Variants in INAVA observed in about 807,000 individuals in gnomAD.
The protein encoded by INAVA is innate immunity activator protein.
INAVA carries 32 observed loss-of-function variants against 55.3 expected under a neutral mutation model. That is an observed-to-expected ratio of 0.58 (90% CI 0.44 to 0.78). The LOEUF (loss-of-function observed/expected upper bound fraction) is 0.78. Among genes scored for constraint, INAVA ranks in the 30% least tolerant of loss-of-function variants. The pLI is 0.00. For missense variants in INAVA, 756 were observed against 786.4 expected (o/e 0.96, Z 0.46); for synonymous variants, 294 against 329.4 (o/e 0.89, Z 1.16).
At chr1:200,909,448 T>C (rs1247759729) in intron 8 of INAVA, 51 bp downstream of exon 8, 3 of 1,413,026 alleles carry the variant, frequency 2.1e-6, no homozygotes, top group Non-Finnish European at 2.8e-6. Context: ...GAGCTTATCG[T>C]TGGAGGGTGG....
chr1:200,903,095 A>G (rs1425924786), intron 5 of INAVA: 1 of 152,276 alleles, frequency 6.6e-6, no homozygotes, highest in African/African-American at 2.4e-5. Flanking sequence ...GATCAGTTCT[A>G]GACAAGTAAT....
rs564014384 is a variant in INAVA, at chr1:200,899,292, C to T, written c.56-181C>T. On this transcript the variant is annotated intron_variant, in intron 2 of 9. Transcript: ENST00000413687. Reference sequence around the variant, plus strand: ...TTGTAACATTTGTGCAGCCAAGAGACGTGGTGTTTTGTGGCTGTGACACAG... The same window carrying T: ...TTGTAACATTTGTGCAGCCAAGAGATGTGGTGTTTTGTGGCTGTGACACAG... Among the ~76,000 whole-genome samples, 5 of 152,262 alleles carry T rather than the reference C, an allele frequency of 3.3e-5. 1 individual carries two copies. Among genetic ancestry groups the T allele is most frequent in the Admixed American group, 1.3e-4 (2 of 15,296 alleles).
At chr1:200,892,746 A>G (rs891516040), upstream of INAVA, among the ~76,000 whole-genome samples, 1 of 152,142 alleles carries the variant, frequency 6.6e-6, no homozygotes, top group Non-Finnish European at 1.5e-5. Context: ...ATTGAATGAC[A>G]TGGCCATCAG....
intron 5 of INAVA, among the ~76,000 whole-genome samples, chr1:200,903,482 T>C (rs1235502991): frequency 6.6e-6 from 1 of 150,692 alleles, no homozygotes; most frequent in African/African-American, 2.4e-5. Flanking sequence ...AGTGAGACTT[T>C]GTCTCAAAAA....
In INAVA at chr1:200,911,993, G is replaced by A. The variant is rs1653765344; in HGVS notation, c.1500G>A (p.Val500=). 3 of 1,532,334 alleles carry A rather than the reference G, an allele frequency of 2.0e-6. No homozygotes were observed. The Admixed American group carries it at 6.0e-5, about 31-fold the overall frequency. The allele number at this position is 1,532,334 out of a possible 1,614,324, so 94.9% of individuals were successfully genotyped here. ...GCCGGGGGCTCAGCAAGGCCGCCGT[G>A]TCCGAGGAGCTCAAGTGGTGGCACG... ...PAGRGLSKAA[V]SEELKWWHER... is the part of the protein sequence containing the mutation. Residue 500 remains valine (V), a synonymous_variant, in exon 9 of 10, where the codon GTG becomes GTA. Transcript: ENST00000413687.
chr1:200,901,157 G>T lies in INAVA; in HGVS notation c.518G>T (p.Arg173Leu). The part of the protein sequence containing the change: ...PPPAAALPLG[R>L]ELSASDDSSL... ...CCGGCTGCTGCTCTCCCCCTGGGCCGAGGTGAGCCGGCTGCCCTGAGGGGG... is the reference window on the plus strand; with the variant it reads ...CCGGCTGCTGCTCTCCCCCTGGGCCTAGGTGAGCCGGCTGCCCTGAGGGGG... Residue 173 changes from arginine to leucine, a missense_variant and splice_region_variant, in exon 5 of 10, where the codon CGA (arginine) becomes CTA (leucine). By Grantham distance (102) the Arg-to-Leu change is moderately radical. Coordinates refer to ENST00000413687, the MANE Select transcript of INAVA (RefSeq NM_001142569.3). 2.7e-6 allele frequency: 4 copies of T among 1,507,124 alleles called. No homozygotes were observed. Among genetic ancestry groups the T allele is most frequent in the Non-Finnish European group, 3.5e-6 (4 of 1,129,208 alleles). The allele number at this position is 1,507,124 out of a possible 1,614,324, so 93.4% of individuals were successfully genotyped here. A position where few individuals can be genotyped will look rare whatever the true frequency, so the allele number is the denominator to read the frequency against.
Position 200,908,949 on chromosome 1 carries a change from CA to C in INAVA, c.785+10del, listed in dbSNP as rs771443857. ...CCCTGGAGCGAGTCCAGGTCAGGAT[CA>C]GGGGGAAGGGAGAAGGGCAGGGCAG... On this transcript the variant is annotated intron_variant, in intron 7 of 9. Coordinates refer to ENST00000413687, the MANE Select transcript of INAVA (RefSeq NM_001142569.3). The C allele has an allele frequency of 1.9e-6, 3 of 1,610,410 alleles. No individual in the cohort carries two copies. Among genetic ancestry groups the C allele is most frequent in the Non-Finnish European group, 8.5e-7 (1 of 1,178,376 alleles).
chr1:200,909,006 A>T (rs1653609450), intron 7 of INAVA, 66 bp downstream of exon 7: 2 of 1,512,830 alleles, frequency 1.3e-6, no homozygotes, highest in South Asian at 2.5e-5. Flanking sequence ...TATGCTGGGG[A>T]TGGCTATAGG....
chr1:200,911,129 TACTTTAAAAAAAGTACTTAATGTA>T (rs1653700342), intron 8 of INAVA, among the ~76,000 whole-genome samples: 1 of 24,726 alleles, frequency 4.0e-5, no homozygotes, highest in African/African-American at 2.8e-4. Flanking sequence ...CTTAATGTAG[TACTTTAAAAAAAGTACTTAATGTA>T]GTACTTTAAA....
At chr1:200,905,940 G>C (rs1653471106) in intron 5 of INAVA, among the ~76,000 whole-genome samples, 1 of 152,214 alleles carries the variant, frequency 6.6e-6, no homozygotes, top group African/African-American at 2.4e-5. Context: ...GACTGTCTGG[G>C]TGTGAATTCT....
At chr1:200,893,357 C>A (rs1173596659), upstream of INAVA, among the ~76,000 whole-genome samples, 1 of 152,146 alleles carries the variant, frequency 6.6e-6, no homozygotes, top group Non-Finnish European at 1.5e-5. Flanking sequence ...TTATTTTATG[C>A]TCAAGAAATG....
At chr1:200,900,621 C>T (rs939642416) in intron 4 of INAVA, among the ~76,000 whole-genome samples, 1 of 152,348 alleles carries the variant, frequency 6.6e-6, no homozygotes, top group South Asian at 2.1e-4. Flanking sequence ...GCAGCAGTTT[C>T]CCATGGGCCA....
Position 200,911,854 on chromosome 1 carries a change from G to A in INAVA, c.1361G>A (p.Arg454His), listed in dbSNP as rs1451697421. ...PLPPGEWELR[R>H]AAPGPAYEEE... Reference sequence around the variant, plus strand: ...CCGCCTGGCGAGTGGGAGCTGCGCCGCGCAGCCCCGGGCCCTGCTTACGAG... The same window carrying A: ...CCGCCTGGCGAGTGGGAGCTGCGCCACGCAGCCCCGGGCCCTGCTTACGAG... The change falls in exon 9 of 10, where the codon CGC (arginine) becomes CAC (histidine). Residue 454 changes from arginine (R) to histidine (H), a missense_variant. By Grantham distance (29) the Arg-to-His change is conservative. Around this residue, in one of 2 missense-constraint regions of INAVA, gnomAD observed 639 missense variants for 624.3 expected, o/e 1.02. Transcript: ENST00000413687. The A allele has an allele frequency of 6.3e-7, 1 of 1,593,368 alleles. No individual in the cohort carries two copies. The highest frequency in any genetic ancestry group is 8.5e-7 in the Non-Finnish European group (1 of 1,175,788).
In INAVA at chr1:200,898,480, G is replaced by GCCCTAGT. The variant is rs781479496; in HGVS notation, c.55+37_55+43dup. ...GGTGAGTGTTCAGGGAAATCCCCCT[G>GCCCTAGT]CCCTAGTCCCTAGTCCCTGGTCCCT... On this transcript the variant is annotated intron_variant, in intron 2 of 9. Transcript: ENST00000413687. 1.6e-5 allele frequency: 25 copies of GCCCTAGT among 1,611,564 alleles called. 1 individual carries two copies. Among genetic ancestry groups the GCCCTAGT allele is most frequent in the East Asian group, 4.5e-5 (2 of 44,882 alleles).
intron 2 of INAVA, among the ~76,000 whole-genome samples, chr1:200,898,879 T>C (rs1653084662): frequency 6.6e-6 from 1 of 152,104 alleles, no homozygotes; most frequent in Non-Finnish European, 1.5e-5. Flanking sequence ...TGTGGGAGGC[T>C]GAGGCAGAAG....
At chr1:200,909,427 G>T in intron 8 of INAVA, 30 bp downstream of exon 8, 1 of 1,533,890 alleles carries the variant, frequency 6.5e-7, no homozygotes, top group Non-Finnish European at 8.8e-7. Flanking sequence ...GAGAGATGGG[G>T]GACCCACTTA....
rs1246469476 is a variant in INAVA at position 200,911,530 on chromosome 1, T to C, written c.1037T>C (p.Val346Ala). 3.1e-6 allele frequency: 5 copies of C among 1,613,586 alleles called. No individual in the cohort carries two copies. In the African/African-American group the frequency reaches 5.3e-5, roughly 17 times the overall value. Residue 346 changes from valine to alanine, a missense_variant, in exon 9 of 10, where the codon GTG (valine) becomes GCG (alanine). By Grantham distance (64) the Val-to-Ala change is moderately conservative. Around this residue, in one of 2 missense-constraint regions of INAVA, gnomAD observed 639 missense variants for 624.3 expected, o/e 1.02. Coordinates refer to ENST00000413687, the MANE Select transcript of INAVA (RefSeq NM_001142569.3). ...FPRRRPTHYT[V>A]TVPDSCFPAT... Reference sequence around the variant, plus strand: ...CGCCGCCGCCCCACTCACTACACGGTGACAGTGCCAGATTCCTGCTTTCCC... The same window carrying C: ...CGCCGCCGCCCCACTCACTACACGGCGACAGTGCCAGATTCCTGCTTTCCC...
At chr1:200,905,258 G>T (rs141860492) in intron 5 of INAVA, among the ~76,000 whole-genome samples, 1 of 152,088 alleles carries the variant, frequency 6.6e-6, no homozygotes, top group African/African-American at 2.4e-5. Flanking sequence ...ATTAAATTGC[G>T]GAGCAGGCTG....
In INAVA at chr1:200,900,098, C is replaced by T. The variant is rs1454835610; in HGVS notation, c.181-6C>T. 3 of 1,608,110 alleles carry T rather than the reference C, an allele frequency of 1.9e-6. No homozygotes were observed. Among genetic ancestry groups the T allele is most frequent in the Non-Finnish European group, 2.5e-6 (3 of 1,177,018 alleles). On this transcript the variant is annotated splice_region_variant and splice_polypyrimidine_tract_variant and intron_variant, in intron 3 of 9. Coordinates refer to ENST00000413687, the MANE Select transcript of INAVA (RefSeq NM_001142569.3). ...AGGACCTGGCTGGTCTCTGCTTCCT[C>T]CCCAGGAGCTGACGGGCACCTTGCC... is the stretch of plus-strand genomic sequence containing the variant.
Sources: allele counts gnomAD v4.1 joint callset (sites outside exome capture counted in the v4.1 genomes callset), GRCh38; gene constraint gnomAD v4.1.1; regional missense constraint gnomAD v4.1.1; transcripts MANE v1.5; gene names NCBI Gene and HGNC (gene_info 2026-07-23, HGNC 2026-07-21).